Variants in DYRK1A observed in about 807,000 individuals in gnomAD.
DYRK1A encodes dual specificity tyrosine-phosphorylation-regulated kinase 1A.
In DYRK1A, 9 loss-of-function variants were observed where a neutral mutation model predicts 79.7. That is an observed-to-expected ratio of 0.11 (90% CI 0.07 to 0.20). The LOEUF (loss-of-function observed/expected upper bound fraction) is 0.20, where lower values mean the gene tolerates loss of function less well. DYRK1A is among the 10% of genes least tolerant of loss of function. DYRK1A has a pLI of 1.00. For synonymous variants in DYRK1A, 349 were observed against 329.7 expected, an observed-to-expected ratio of 1.06 and a Z score of -0.63; for missense variants, 622 against 956.0, an observed-to-expected ratio of 0.65 and a Z score of 4.61.
At chr21:37,426,439 C>T (rs965441701) in intron 2 of DYRK1A, among the ~76,000 whole-genome samples, 2 of 151,948 alleles carry the variant, frequency 1.3e-5, no homozygotes, top group Non-Finnish European at 2.9e-5. Context: ...TAACTTGTTT[C>T]AGAATAATCC....
Position 37,420,309 on chromosome 21 carries a change from T to G in DYRK1A, c.-66T>G. On this transcript the variant is annotated 5_prime_UTR_variant, in exon 2 of 12. Coordinates refer to ENST00000647188, the MANE Select transcript of DYRK1A (RefSeq NM_001347721.2). ...TTTTTCTTCACACAGTGTTATAGTT[T>G]TGCCGCTGGACTCTTCCCTCCCTTC... 2.7e-6 allele frequency: 4 copies of G among 1,483,968 alleles called. No homozygotes were observed. The highest frequency in any genetic ancestry group is 3.8e-6 in the Non-Finnish European group (4 of 1,066,348). The allele number at this position is 1,483,968 out of a possible 1,614,324, so 91.9% of individuals were successfully genotyped here. A position where few individuals can be genotyped will look rare whatever the true frequency, so the allele number is the denominator to read the frequency against.
At chr21:37,477,146 T>C (rs1273838056) in intron 3 of DYRK1A, among the ~76,000 whole-genome samples, 1 of 152,098 alleles carries the variant, frequency 6.6e-6, no homozygotes, top group Non-Finnish European at 1.5e-5. Flanking sequence ...CTCCACACAT[T>C]TTTGCGAGGT....
intron 1 of DYRK1A, chr21:37,418,961 G>A (rs2050411021): frequency 2.0e-5 from 3 of 152,140 alleles, no homozygotes; most frequent in Admixed American, 1.3e-4. Context: ...TAGTATTGCT[G>A]CTATTTGGAG....
chr21:37,523,369 G>C lies in DYRK1A; in HGVS notation c.*10838G>C, dbSNP rs1363018061. ...TAGGCCCCTTTCTTTGTGAGAGGGG[G>C]CCCCAGGATTATGCCCCGGGATTAA... On this transcript the variant is annotated 3_prime_UTR_variant, in exon 12 of 12. Transcript: ENST00000647188. 6.6e-6 allele frequency: 1 copy of C among 152,208 alleles called. No individual in the cohort carries two copies. The highest frequency in any genetic ancestry group is 2.4e-5 in the African/African-American group (1 of 41,454). 9.4% of individuals were successfully genotyped at this position (152,208 alleles called of 1,614,324 possible). A position where few individuals can be genotyped will look rare whatever the true frequency, so the allele number is the denominator to read the frequency against.
intron 2 of DYRK1A, among the ~76,000 whole-genome samples, chr21:37,446,836 G>A (rs2051288268): frequency 6.6e-6 from 1 of 152,214 alleles, no homozygotes; most frequent in Non-Finnish European, 1.5e-5. Context: ...CTTGTTCTGC[G>A]CCCCACCTTG....
intron 2 of DYRK1A, chr21:37,425,564 G>T (rs2050595249): frequency 1.3e-5 from 2 of 152,130 alleles, no homozygotes; most frequent in South Asian, 4.1e-4. Flanking sequence ...CCAGGTAAAA[G>T]AAAATACATT....
chr21:37,474,224 A>G (rs770478843), intron 3 of DYRK1A, among the ~76,000 whole-genome samples: 21 of 152,240 alleles, frequency 1.4e-4, no homozygotes, highest in Non-Finnish European at 2.5e-4. Context: ...CCAGTCCTTT[A>G]AAGTCATTTT....
intron 1 of DYRK1A, among the ~76,000 whole-genome samples, chr21:37,368,459 ACT>A (rs762617228): frequency 1.3e-5 from 2 of 152,070 alleles, no homozygotes; most frequent in African/African-American, 2.4e-5. Context: ...TGAGTCAGTG[ACT>A]CTGGTTACTT....
chr21:37,464,367 C>A, intron 2 of DYRK1A: 1 of 435,266 alleles, frequency 2.3e-6, no homozygotes, highest in Admixed American at 3.1e-5. Context: ...CTTCATTTTT[C>A]TTTTAGTAAA....
intron 1 of DYRK1A, among the ~76,000 whole-genome samples, chr21:37,394,555 G>T (rs1433855235): frequency 6.6e-6 from 1 of 152,110 alleles, no homozygotes; most frequent in Non-Finnish European, 1.5e-5. Flanking sequence ...GTGAGCTTTG[G>T]GCAAGCGATC....
chr21:37,413,592 T>G (rs923301585), intron 1 of DYRK1A, among the ~76,000 whole-genome samples: 8 of 152,088 alleles, frequency 5.3e-5, no homozygotes, highest in African/African-American at 1.7e-4. Flanking sequence ...TGATAGATAC[T>G]CCTTTGTTAG....
chr21:37,385,878 T>C (rs1198912374), intron 1 of DYRK1A, among the ~76,000 whole-genome samples: 1 of 152,184 alleles, frequency 6.6e-6, no homozygotes, highest in Admixed American at 6.5e-5. Context: ...CTCCTTCAGA[T>C]GGTATGAAGG....
At chr21:37,393,510 A>G (rs1239485973) in intron 1 of DYRK1A, among the ~76,000 whole-genome samples, 1 of 152,244 alleles carries the variant, frequency 6.6e-6, no homozygotes, top group East Asian at 1.9e-4. Context: ...TTAAAGAAGT[A>G]TGCTGATATG....
chr21:37,391,381 A>G (rs925339622), intron 1 of DYRK1A, among the ~76,000 whole-genome samples: 103 of 152,302 alleles, frequency 6.8e-4, no homozygotes, highest in African/African-American at 2.4e-3. Context: ...CTACTGTGCC[A>G]TCTTCTATCC....
At chr21:37,484,802 A>G (rs2052795098) in intron 5 of DYRK1A, among the ~76,000 whole-genome samples, 2 of 152,268 alleles carry the variant, frequency 1.3e-5, no homozygotes, top group Admixed American at 6.5e-5. Flanking sequence ...ACAAGTGAGC[A>G]CAGGAACCCT....
At chr21:37,447,442 C>T (rs2051310468) in intron 2 of DYRK1A, among the ~76,000 whole-genome samples, 1 of 151,876 alleles carries the variant, frequency 6.6e-6, no homozygotes, top group Non-Finnish European at 1.5e-5. Context: ...GCCTTTAAGA[C>T]CTAAAGTCTG....
At chr21:37,414,903 A>G (rs899228186) in intron 1 of DYRK1A, among the ~76,000 whole-genome samples, 1 of 152,226 alleles carries the variant, frequency 6.6e-6, no homozygotes, top group Non-Finnish European at 1.5e-5. Flanking sequence ...AGCAAGCAAA[A>G]TAGAATATCA....
At chr21:37,373,810 G>A (rs954100744) in intron 1 of DYRK1A, among the ~76,000 whole-genome samples, 8 of 152,222 alleles carry the variant, frequency 5.3e-5, no homozygotes, top group African/African-American at 1.9e-4. Flanking sequence ...CTATTTGGCT[G>A]AAAATTTGGG....
chr21:37,375,519 CTTTTTTTTT>C (rs58948987), intron 1 of DYRK1A, among the ~76,000 whole-genome samples: 39 of 81,450 alleles, frequency 4.8e-4, no homozygotes, highest in East Asian at 2.2e-3. Context: ...AGGAATATTA[CTTTTTTTTT>C]TTTTTTTTTT....
Sources: gnomAD v4.1 joint callset for allele counts (sites outside exome capture counted in the v4.1 genomes callset) on GRCh38, gnomAD v4.1.1 for gene constraint, MANE v1.5 for transcripts, NCBI Gene and HGNC (gene_info 2026-07-23, HGNC 2026-07-21) for gene names.